FGL1: variants seen among roughly 807,000 people sequenced by gnomAD.
The protein encoded by FGL1 is fibrinogen-like protein 1.
Under a neutral mutation model 43.7 loss-of-function variants are expected in FGL1, and 59 were observed. That is an observed-to-expected ratio of 1.35 (90% CI 1.10 to 1.68). The LOEUF is 1.68. FGL1 is among the 40% of genes most tolerant of loss of function. The probability of loss-of-function intolerance (pLI) is 0.00; values close to 1 mark genes in which losing one functional copy is unlikely to be tolerated. For missense variants in FGL1, 596 were observed against 373.0 expected (o/e 1.60, Z -4.92); for synonymous variants, 192 against 126.5 (o/e 1.52, Z -3.48).
intron 3 of FGL1, among the ~76,000 whole-genome samples, chr8:17,879,019 C>G (rs2053496909): frequency 8.0e-6 from 1 of 125,450 alleles, no homozygotes; most frequent in Non-Finnish European, 1.7e-5. Flanking sequence ...ATATAAAGAA[C>G]AATTGAACTG....
chr8:17,877,920 A>G (rs983817555), intron 3 of FGL1, among the ~76,000 whole-genome samples: 1 of 152,094 alleles, frequency 6.6e-6, no homozygotes, highest in Non-Finnish European at 1.5e-5. Context: ...TTCACTGAGT[A>G]CTTCTTTTGC....
At chr8:17,891,577 A>C (rs1163626633) in intron 1 of FGL1, 2 of 513,840 alleles carry the variant, frequency 3.9e-6, no homozygotes, top group African/African-American at 2.1e-5. Context: ...TCACATTCAC[A>C]GGTAATAAAA....
At position 17,875,324 on chromosome 8, in the gene FGL1, C is replaced by A. The variant is rs529955533; in HGVS notation, c.245-803G>T. ...TTAGCCTTATTAGATTTTTTACTAACCCACTGAAGTTTCTAAAAGTCCATA... is the reference window on the plus strand; with the variant it reads ...TTAGCCTTATTAGATTTTTTACTAAACCACTGAAGTTTCTAAAAGTCCATA... On this transcript the variant is annotated intron_variant, in intron 3 of 7. Coordinates refer to ENST00000427924, the MANE Select transcript of FGL1 (RefSeq NM_004467.4). 2.6e-5 allele frequency among the ~76,000 whole-genome samples: 4 copies of A among 152,178 alleles called. No homozygotes were observed. In the South Asian group the frequency reaches 8.3e-4, roughly 32 times the overall value.
intron 3 of FGL1, among the ~76,000 whole-genome samples, chr8:17,881,425 G>A (rs1262791063): frequency 1.3e-5 from 2 of 151,672 alleles, no homozygotes; most frequent in African/African-American, 2.4e-5. Flanking sequence ...GTGAGCCACC[G>A]CACTTGGCTG....
At chr8:17,885,135 G>C (rs1033189426) in intron 2 of FGL1, among the ~76,000 whole-genome samples, 1 of 151,744 alleles carries the variant, frequency 6.6e-6, no homozygotes, top group Non-Finnish European at 1.5e-5. Flanking sequence ...CCGCCTCCTG[G>C]GTTCAAGGGA....
chr8:17,881,833 CAAAA>C (rs796756857), intron 3 of FGL1, among the ~76,000 whole-genome samples, 162 bp downstream of exon 3: 4 of 103,304 alleles, frequency 3.9e-5, no homozygotes, highest in African/African-American at 6.0e-5. Flanking sequence ...GACTCCGCCT[CAAAA>C]AAAAAAAAAA....
intron 5 of FGL1, among the ~76,000 whole-genome samples, chr8:17,872,096 G>A (rs190945180): frequency 6.6e-5 from 10 of 152,042 alleles, no homozygotes; most frequent in East Asian, 3.9e-4. Flanking sequence ...GAAAGGAAGC[G>A]TTATGTAAAT....
At chr8:17,866,204 G>A (rs369011054) in intron 7 of FGL1, among the ~76,000 whole-genome samples, 13 of 152,246 alleles carry the variant, frequency 8.5e-5, no homozygotes, top group East Asian at 7.7e-4. Flanking sequence ...TTCTAGCATC[G>A]TTTAGTTTTT....
intron 6 of FGL1, 71 bp from the exon 7 acceptor site, chr8:17,868,806 T>A: frequency 6.7e-7 from 1 of 1,503,486 alleles, no homozygotes; most frequent in African/African-American, 1.4e-5. Context: ...GTTTATTTCA[T>A]AAACAAAAGA....
intron 1 of FGL1, among the ~76,000 whole-genome samples, chr8:17,886,397 G>A (rs1407333867): frequency 2.6e-5 from 4 of 152,252 alleles, no homozygotes; most frequent in African/African-American, 9.6e-5. Context: ...GATGCGAACT[G>A]ACAAAGTCAA....
intron 2 of FGL1, among the ~76,000 whole-genome samples, chr8:17,883,167 A>C (rs1420959281): frequency 1.0e-5 from 1 of 95,924 alleles, no homozygotes; most frequent in Admixed American, 1.8e-4. Context: ...ATAATATATT[A>C]AATAATATAT....
chr8:17,883,495 A>G (rs1397868299), intron 2 of FGL1, among the ~76,000 whole-genome samples: 1 of 129,048 alleles, frequency 7.7e-6, no homozygotes, highest in Non-Finnish European at 1.5e-5. Flanking sequence ...ATAATATATT[A>G]AATATATTTA....
chr8:17,880,319 A>C (rs1216563822), intron 3 of FGL1, among the ~76,000 whole-genome samples: 1 of 152,242 alleles, frequency 6.6e-6, no homozygotes, highest in East Asian at 1.9e-4. Flanking sequence ...TAAGAGTCTC[A>C]TGCGCTACAG....
chr8:17,874,501 C>T lies in FGL1; in HGVS notation c.265G>A (p.Asp89Asn). 6.2e-7 allele frequency: 1 copy of T among 1,606,576 alleles called. No individual in the cohort carries two copies. Among genetic ancestry groups the T allele is most frequent in the Non-Finnish European group, 8.5e-7 (1 of 1,176,808 alleles). ...TAAAATCCACTGAGCTTATACCCAT[C>T]ATTGAAAATCTCTGAACAATCTGTT... ...QYADCSEIFN[D>N]GYKLSGFYKI... Residue 89 changes from aspartate (D) to asparagine (N), a missense_variant, in exon 4 of 8, where the codon GAT (aspartate) becomes AAT (asparagine). By Grantham distance (23) the Asp-to-Asn change is conservative. Coordinates refer to ENST00000427924, the MANE Select transcript of FGL1 (RefSeq NM_004467.4).
At chr8:17,882,244 A>G in intron 2 of FGL1, 65 bp from the exon 3 acceptor site, 1 of 1,407,442 alleles carries the variant, frequency 7.1e-7, no homozygotes, top group Non-Finnish European at 9.6e-7. Flanking sequence ...TGCTTTTTAA[A>G]CATTTGGATA....
chr8:17,865,656 A>G (rs1006614726), intron 7 of FGL1, among the ~76,000 whole-genome samples: 1 of 152,206 alleles, frequency 6.6e-6, no homozygotes, highest in Non-Finnish European at 1.5e-5. Context: ...TGTCCTTGAT[A>G]TGTATAATTT....
rs867969916 is a variant in FGL1 at position 17,882,901 on chromosome 8, A to G, written c.64-722T>C. Among the ~76,000 whole-genome samples the G allele has an allele frequency of 6.8e-5, 7 of 102,834 alleles. No homozygotes were observed. In the South Asian group the frequency reaches 1.6e-3, roughly 23 times the overall value. The allele number at this position is 102,834 out of a possible 152,430, so 67.5% of individuals were successfully genotyped here. A position where few individuals can be genotyped will look rare whatever the true frequency, so the allele number is the denominator to read the frequency against. ...ATATATAATATATCTCATATATAAT[A>G]TATTAAATAATATATAATATATCTC... On this transcript the variant is annotated intron_variant, in intron 2 of 7. Coordinates refer to ENST00000427924, the MANE Select transcript of FGL1 (RefSeq NM_004467.4).
intron 5 of FGL1, among the ~76,000 whole-genome samples, chr8:17,870,347 T>G (rs1372998727): frequency 6.6e-6 from 1 of 152,198 alleles, no homozygotes; most frequent in Non-Finnish European, 1.5e-5. Flanking sequence ...GACTATTCCT[T>G]TTTCAGAAAC....
Position 17,864,528 on chromosome 8 carries a change from T to A in FGL1, c.*64A>T. The A allele has an allele frequency of 6.6e-7, 1 of 1,511,608 alleles. No homozygotes were observed. Among genetic ancestry groups the A allele is most frequent in the East Asian group, 2.3e-5 (1 of 43,764 alleles). The allele number at this position is 1,511,608 out of a possible 1,614,324, so 93.6% of individuals were successfully genotyped here. On this transcript the variant is annotated 3_prime_UTR_variant, in exon 8 of 8. Coordinates refer to ENST00000427924, the MANE Select transcript of FGL1 (RefSeq NM_004467.4). ...TGATTGCGCATGGATATGTTCAGAATGAGTATTTTTCAAATCACTTTAAAC... is the reference window on the plus strand; with the variant it reads ...TGATTGCGCATGGATATGTTCAGAAAGAGTATTTTTCAAATCACTTTAAAC...
Sources: gnomAD v4.1 joint callset for allele counts (sites outside exome capture counted in the v4.1 genomes callset) on GRCh38, gnomAD v4.1.1 for gene constraint, MANE v1.5 for transcripts, NCBI Gene and HGNC (gene_info 2026-07-23, HGNC 2026-07-21) for gene names.